RBFOX1: variants seen among roughly 807,000 people sequenced by gnomAD.
RBFOX1 encodes the protein RNA binding fox-1 homolog 1, also known as RNA binding protein fox-1 homolog 1.
A neutral mutation model predicts 57.7 loss-of-function variants in RBFOX1; 8 were observed. The ratio of observed to expected loss-of-function variants is 0.14; its 90% CI spans 0.08 to 0.25. RBFOX1 has a LOEUF of 0.25. Ranked by LOEUF, RBFOX1 falls within the 10% of genes least tolerant of loss-of-function variation. RBFOX1 has a pLI of 1.00. For missense variants in RBFOX1, 611 were observed against 548.5 expected, an observed-to-expected ratio of 1.11 and a Z score of -1.14; for synonymous variants, 326 against 222.4, an observed-to-expected ratio of 1.47 and a Z score of -4.15.
chr16:7,132,799 G>A (rs1258163188), intron 4 of RBFOX1, among the ~76,000 whole-genome samples: 1 of 152,014 alleles, frequency 6.6e-6, no homozygotes, highest in East Asian at 1.9e-4. Flanking sequence ...AGAAACAGTG[G>A]GCTTATCAAA....
intron 2 of RBFOX1, chr16:6,483,708 G>T: frequency 7.0e-7 from 1 of 1,419,678 alleles, no homozygotes; most frequent in Non-Finnish European, 9.2e-7. Flanking sequence ...GCGACAGGGG[G>T]AGGAGTGTGC....
At chr16:5,719,263 A>G (rs566507760) in intron 3 of RBFOX1, among the ~76,000 whole-genome samples, 1 of 145,378 alleles carries the variant, frequency 6.9e-6, no homozygotes, top group African/African-American at 2.6e-5. Context: ...GTGCAGTGGC[A>G]CGATCTCGGC....
intron 3 of RBFOX1, among the ~76,000 whole-genome samples, chr16:6,968,858 G>A (rs2084886693): frequency 6.6e-6 from 1 of 151,220 alleles, no homozygotes; most frequent in African/African-American, 2.4e-5. Flanking sequence ...AGGTCTTCTG[G>A]CAGCTGAAGG....
chr16:6,002,112 C>T (rs898370934), intron 4 of RBFOX1, among the ~76,000 whole-genome samples: 1 of 151,956 alleles, frequency 6.6e-6, no homozygotes, highest in Non-Finnish European at 1.5e-5. Context: ...GCTGGGACTA[C>T]AAGCATGCAC....
chr16:6,382,324 C>A (rs1434203254), intron 2 of RBFOX1, among the ~76,000 whole-genome samples: 1 of 152,178 alleles, frequency 6.6e-6, no homozygotes, highest in African/African-American at 2.4e-5. Context: ...AGTAAACACT[C>A]ATTTCATATT....
At chr16:7,095,755 G>T (rs2061584707) in intron 4 of RBFOX1, among the ~76,000 whole-genome samples, 1 of 152,124 alleles carries the variant, frequency 6.6e-6, no homozygotes. Context: ...GGGCATGGTG[G>T]CTCACGCCTG....
rs1053007598 is a variant in RBFOX1 at position 6,461,590 on chromosome 16, G to A, written c.-64+144533G>A. 4.6e-4 allele frequency among the ~76,000 whole-genome samples: 70 copies of A among 152,184 alleles called. 2 individuals carry two copies. The highest frequency in any genetic ancestry group is 1.8e-4 in the Non-Finnish European group (12 of 68,024). On this transcript the variant is annotated intron_variant, in intron 2 of 15. Coordinates refer to ENST00000550418, the MANE Select transcript of RBFOX1 (RefSeq NM_018723.4). ...CTGGATAAAACAGAAATGTTTTATT[G>A]TGATGTGGAATTTTAACTTTGTCTT...
At chr16:6,693,970 C>G (rs752304604) in intron 3 of RBFOX1, among the ~76,000 whole-genome samples, 1 of 152,200 alleles carries the variant, frequency 6.6e-6, no homozygotes, top group Non-Finnish European at 1.5e-5. Flanking sequence ...TTACAGATGA[C>G]AAAACCAAGG....
intron 3 of RBFOX1, among the ~76,000 whole-genome samples, chr16:6,657,718 A>G (rs978163433): frequency 5.9e-5 from 9 of 152,268 alleles, no homozygotes; most frequent in African/African-American, 2.2e-4. Flanking sequence ...GAGGTGCCAA[A>G]ATAATAAGTA....
intron 3 of RBFOX1, among the ~76,000 whole-genome samples, chr16:5,647,592 A>G (rs932449485): frequency 2.6e-5 from 4 of 152,044 alleles, no homozygotes; most frequent in East Asian, 3.9e-4. Flanking sequence ...CCCTTTCCCC[A>G]TTTCTCCAGT....
chr16:7,398,334 G>T (rs987174714), intron 4 of RBFOX1, among the ~76,000 whole-genome samples: 4 of 152,194 alleles, frequency 2.6e-5, no homozygotes, highest in African/African-American at 9.6e-5. Flanking sequence ...TTCTTCATCT[G>T]TAAGATGGGG....
intron 1 of RBFOX1, among the ~76,000 whole-genome samples, chr16:6,128,637 C>A (rs1476914579): frequency 6.6e-6 from 1 of 152,138 alleles, no homozygotes; most frequent in Non-Finnish European, 1.5e-5. Flanking sequence ...TCAGGTGCCA[C>A]AAAAGAGGAA....
At chr16:7,305,669 G>C (rs1245658227) in intron 4 of RBFOX1, among the ~76,000 whole-genome samples, 1 of 152,048 alleles carries the variant, frequency 6.6e-6, no homozygotes, top group East Asian at 1.9e-4. Context: ...AAAATGTCAG[G>C]ATTCTGTTTT....
intron 4 of RBFOX1, among the ~76,000 whole-genome samples, chr16:7,079,362 A>T (rs1325841557): frequency 1.3e-5 from 2 of 152,186 alleles, no homozygotes; most frequent in Non-Finnish European, 2.9e-5. Flanking sequence ...GAGGAAAGGT[A>T]TGCTGAGCAG....
At chr16:6,666,551 A>C (rs908227639) in intron 3 of RBFOX1, among the ~76,000 whole-genome samples, 1 of 151,310 alleles carries the variant, frequency 6.6e-6, no homozygotes, top group Non-Finnish European at 1.5e-5. Context: ...AAAAAAAAAA[A>C]AAAAAAACAA....
At chr16:5,404,435 C>A (rs904429841) in intron 1 of RBFOX1, among the ~76,000 whole-genome samples, 3 of 152,160 alleles carry the variant, frequency 2.0e-5, no homozygotes, top group African/African-American at 7.2e-5. Flanking sequence ...TGAGAGGCCA[C>A]TGTCACTTAG....
chr16:6,380,835 C>T (rs536932334), intron 2 of RBFOX1, among the ~76,000 whole-genome samples: 2 of 152,284 alleles, frequency 1.3e-5, no homozygotes, highest in South Asian at 4.1e-4. Context: ...CAGCAGTGCC[C>T]AAAGCGCCTC....
At chr16:5,693,948 C>T (rs2050771107) in intron 3 of RBFOX1, among the ~76,000 whole-genome samples, 1 of 152,192 alleles carries the variant, frequency 6.6e-6, no homozygotes, top group African/African-American at 2.4e-5. Context: ...CCTTGTGTTA[C>T]CCATTTTCCC....
chr16:7,564,194 A>T (rs9927743), intron 5 of RBFOX1, among the ~76,000 whole-genome samples: 33,819 of 151,928 alleles, frequency 0.22, 4,482 homozygotes, highest in African/African-American at 0.36. Flanking sequence ...GTATCCATAC[A>T]GGAGGCAGAG....
Sources: gnomAD v4.1 joint callset for allele counts (sites outside exome capture counted in the v4.1 genomes callset) on GRCh38, gnomAD v4.1.1 for gene constraint, MANE v1.5 for transcripts, NCBI Gene and HGNC (gene_info 2026-07-23, HGNC 2026-07-21) for gene names.